The following HRNR variants were observed in gnomAD, a reference collection of about 807,000 sequenced individuals.
HRNR encodes the protein filaggrin family member 3.
A neutral mutation model predicts 4.8 loss-of-function variants in HRNR; 7 were observed. The ratio of observed to expected loss-of-function variants is 1.47; its 90% CI spans 0.83 to 2.75. The LOEUF (loss-of-function observed/expected upper bound fraction) is 2.75, where lower values mean the gene tolerates loss of function less well. HRNR is among the 30% of genes most tolerant of loss of function. HRNR has a pLI of 0.00. For synonymous variants in HRNR, 1,023 were observed against 1,242.7 expected, an observed-to-expected ratio of 0.82 and a Z score of 3.72; for missense variants, 2,879 against 3,010.4, an observed-to-expected ratio of 0.96 and a Z score of 1.02.
Position 152,219,805 on chromosome 1 carries a change from A to G in HRNR, c.1824T>C (p.Ser608=), listed in dbSNP as rs1467656803. The change falls in exon 3 of 3, where the codon TCT becomes TCC. Residue 608 remains serine (S), a synonymous_variant. Transcript: ENST00000368801. Reference sequence around the variant, plus strand: ...ATGTAGAACCATGTTGCCCATGGGTAGAGGAATGACCCGAGCTAGATCCGT... The same window carrying G: ...ATGTAGAACCATGTTGCCCATGGGTGGAGGAATGACCCGAGCTAGATCCGT... ...GQHGSSSGHS[S]THGQHGSTSG... The G allele has an allele frequency of 3.1e-6, 5 of 1,611,852 alleles. No homozygotes were observed. Among genetic ancestry groups the G allele is most frequent in the Non-Finnish European group, 4.2e-6 (5 of 1,178,634 alleles).
rs76293453 is a variant in HRNR at position 152,218,685 on chromosome 1, T to G, written c.2944A>C (p.Ser982Arg). The G allele has an allele frequency of 5.1e-5, 82 of 1,613,168 alleles. No individual in the cohort carries two copies. The highest frequency in any genetic ancestry group is 8.9e-5 in the East Asian group (4 of 44,732). ...GAGCCAGACCCATGCTGACCATAGCTGGAAGACGAACCTGAGCTAGATCCA... is the reference window on the plus strand; with the variant it reads ...GAGCCAGACCCATGCTGACCATAGCGGGAAGACGAACCTGAGCTAGATCCA... ...QHGSSSGSSS[S>R]YGQHGSGSRQ... The change falls in exon 3 of 3, where the codon AGC (serine) becomes CGC (arginine). Residue 982 changes from serine (S) to arginine (R), a missense_variant. Around this residue, in one of 8 missense-constraint regions of HRNR, gnomAD observed 2,646 missense variants for 1,377.7 expected, o/e 1.92. Coordinates refer to ENST00000368801, the MANE Select transcript of HRNR (RefSeq NM_001009931.3).
Position 152,219,899 on chromosome 1 carries a change from C to T in HRNR, c.1730G>A (p.Gly577Asp), listed in dbSNP as rs1409667159. 3 of 1,613,596 alleles carry T rather than the reference C, an allele frequency of 1.9e-6. No individual in the cohort carries two copies. The highest frequency in any genetic ancestry group is 3.3e-4 in the Middle Eastern group (2 of 6,056). Residue 577 changes from glycine (G) to aspartate (D), a missense_variant, in exon 3 of 3, where the codon GGC (glycine) becomes GAC (aspartate). Gly to Asp is a moderately conservative substitution (Grantham distance 94). Transcript: ENST00000368801. Reference protein sequence around the residue: ...RSSSRGPYESGSGHSSGLGHQ... With the variant: ...RSSSRGPYESDSGHSSGLGHQ... Reference sequence around the variant, plus strand: ...ACCTAAGCCAGAAGAGTGACCGGAGCCAGACTCATATGGGCCACGGCTTGA... The same window carrying T: ...ACCTAAGCCAGAAGAGTGACCGGAGTCAGACTCATATGGGCCACGGCTTGA...
Position 152,218,981 on chromosome 1 carries a change from T to G in HRNR, c.2648A>C (p.His883Pro). 1 of 1,608,754 alleles carries G rather than the reference T, an allele frequency of 6.2e-7. No homozygotes were observed. The highest frequency in any genetic ancestry group is 8.5e-7 in the Non-Finnish European group (1 of 1,179,906). ...ASHHASGRGR[H>P]GSGSGQSPGH... ...TGGAGACTGGCCAGATCCAGAGCCA[T>G]GTCGGCCGCGGCCCGAAGCGTGATG... is the stretch of plus-strand genomic sequence containing the variant. Residue 883 changes from histidine (H) to proline (P), a missense_variant, in exon 3 of 3, where the codon CAT (histidine) becomes CCT (proline). Coordinates refer to ENST00000368801, the MANE Select transcript of HRNR (RefSeq NM_001009931.3).
In HRNR at chr1:152,220,311, C is replaced by A; in HGVS notation, c.1318G>T (p.Gly440Cys). 6.2e-7 allele frequency: 1 copy of A among 1,613,894 alleles called. No homozygotes were observed. The highest frequency in any genetic ancestry group is 8.5e-7 in the Non-Finnish European group (1 of 1,179,978). ...GSGSGQSPSSGQHGTGFGRSS... is the reference protein window; with the variant it reads ...GSGSGQSPSSCQHGTGFGRSS... Reference sequence around the variant, plus strand: ...CGACCAAAGCCAGTCCCATGTTGGCCGGAGCTGGGAGACTGCCCTGACCCA... The same window carrying A: ...CGACCAAAGCCAGTCCCATGTTGGCAGGAGCTGGGAGACTGCCCTGACCCA... The change falls in exon 3 of 3, where the codon GGC becomes TGC. Residue 440 changes from glycine to cysteine, a missense_variant. Transcript: ENST00000368801.
rs1355873527 is a variant in HRNR, at chr1:152,219,099, G to T, written c.2530C>A (p.His844Asn). ...ASGHFSSQGR[H>N]GSTSGQSSSS... ...GATGACTGCCCTGACGTAGATCCAT[G>T]TCGTCCCTGGCTAGAGAAGTGACCT... Residue 844 changes from histidine (H) to asparagine (N), a missense_variant, in exon 3 of 3, where the codon CAT becomes AAT. Transcript: ENST00000368801. The T allele has an allele frequency of 2.5e-6, 4 of 1,613,836 alleles. No homozygotes were observed. The highest frequency in any genetic ancestry group is 2.2e-5 in the East Asian group (1 of 44,886).
chr1:152,220,875 C>T lies in HRNR; in HGVS notation c.754G>A (p.Gly252Ser), dbSNP rs1364110631. 7 of 1,614,000 alleles carry T rather than the reference C, an allele frequency of 4.3e-6. No homozygotes were observed. In the African/African-American group the frequency reaches 8.0e-5, roughly 18 times the overall value. ...TGTTGTCCGTAGCCAGAGGAGTGAC[C>T]TGAGCCAGATCCATGCTGACTGTAA... ...SGYSQHGSGSGHSSGYGQHGS... is the reference protein window; with the variant it reads ...SGYSQHGSGSSHSSGYGQHGS... The change falls in exon 3 of 3, where the codon GGT becomes AGT. Residue 252 changes from glycine to serine, a missense_variant. Transcript: ENST00000368801.
chr1:152,212,894 G>T lies in HRNR; in HGVS notation c.*182C>A. On this transcript the variant is annotated 3_prime_UTR_variant, in exon 3 of 3. Coordinates refer to ENST00000368801, the MANE Select transcript of HRNR (RefSeq NM_001009931.3). ...GTAGCACAAATGCCTAACAGTCTTT[G>T]GAAGGAACCCCATAACAAGATATAT... 5 of 799,832 alleles carry T rather than the reference G, an allele frequency of 6.3e-6. No homozygotes were observed. Among genetic ancestry groups the T allele is most frequent in the Non-Finnish European group, 9.6e-6 (5 of 520,478 alleles). The allele number at this position is 799,832 out of a possible 1,614,324, so 49.5% of individuals were successfully genotyped here.
rs1236611398 is a variant in HRNR at position 152,219,470 on chromosome 1, G to T, written c.2159C>A (p.Ser720Ter). 2.5e-6 allele frequency: 4 copies of T among 1,613,964 alleles called. No individual in the cohort carries two copies. Among genetic ancestry groups the T allele is most frequent in the East Asian group, 2.2e-5 (1 of 44,826 alleles). The change falls in exon 3 of 3, where the codon TCA becomes TAA. Residue 720 changes from serine to a stop codon, truncating the protein, a stop_gained. Coordinates refer to ENST00000368801, the MANE Select transcript of HRNR (RefSeq NM_001009931.3). LOFTEE classifies it low-confidence loss of function (END_TRUNC). ...TTTTCTGTAGCCGGAGGAGTGACTTGAGCCAGATCCATGCTGACTGTAACC... is the reference window on the plus strand; with the variant it reads ...TTTTCTGTAGCCGGAGGAGTGACTTTAGCCAGATCCATGCTGACTGTAACC... ...SSGYSQHGSG[S>*]SHSSGYRKHG...
In HRNR at chr1:152,212,722, G is replaced by A; in HGVS notation, c.*354C>T. ...ATATTTTGCTTCTAAGAAATGTAAG[G>A]TTAGCTTTGGCACCATCTATAAATG... is the stretch of plus-strand genomic sequence containing the variant. On this transcript the variant is annotated 3_prime_UTR_variant, in exon 3 of 3. Coordinates refer to ENST00000368801, the MANE Select transcript of HRNR (RefSeq NM_001009931.3). 1 of 281,394 alleles carries A rather than the reference G, an allele frequency of 3.6e-6. No homozygotes were observed. Among genetic ancestry groups the A allele is most frequent in the Non-Finnish European group, 6.6e-6 (1 of 152,660 alleles). The allele number at this position is 281,394 out of a possible 1,614,324, so 17.4% of individuals were successfully genotyped here.
chr1:152,223,101 G>A lies in HRNR; in HGVS notation c.138+15C>T, dbSNP rs1002980177. 8 of 1,612,178 alleles carry A rather than the reference G, an allele frequency of 5.0e-6. No individual in the cohort carries two copies. The highest frequency in any genetic ancestry group is 6.8e-6 in the Non-Finnish European group (8 of 1,179,002). ...AAAATTCCTGCATAACTCCATCCTG[G>A]CGTGGAGTTCTTACCTTCAGAATTT... On this transcript the variant is annotated intron_variant, in intron 2 of 2. Coordinates refer to ENST00000368801, the MANE Select transcript of HRNR (RefSeq NM_001009931.3).
rs1163699852 is a variant in HRNR at position 152,221,389 on chromosome 1, C to G, written c.240G>C (p.Lys80Asn). 2 of 1,613,908 alleles carry G rather than the reference C, an allele frequency of 1.2e-6. No individual in the cohort carries two copies. Among genetic ancestry groups the G allele is most frequent in the Non-Finnish European group, 8.5e-7 (1 of 1,179,962 alleles). Residue 80 changes from lysine (K) to asparagine (N), a missense_variant, in exon 3 of 3, where the codon AAG becomes AAC. Lys to Asn is a moderately conservative substitution (Grantham distance 94). Coordinates refer to ENST00000368801, the MANE Select transcript of HRNR (RefSeq NM_001009931.3). ...TGATTTTATTACGAGCCTGAACCAGCTTGAATATCATCAGAAGATACTCAG... is the reference window on the plus strand; with the variant it reads ...TGATTTTATTACGAGCCTGAACCAGGTTGAATATCATCAGAAGATACTCAG... ...DFTEYLLMIF[K>N]LVQARNKIIG...
At position 152,219,217 on chromosome 1, in the gene HRNR, A is replaced by G. The variant is rs1351907211; in HGVS notation, c.2412T>C (p.Cys804=). ...GGCCTGAGCCAGACTCATAATGGCC[A>G]CAGCTGGAAGAACAACTTGTGCCAG... ...HGSGTSCSSS[C]GHYESGSGQA... is the part of the protein sequence containing the mutation. Residue 804 remains cysteine (C), a synonymous_variant, in exon 3 of 3, where the codon TGT becomes TGC. Transcript: ENST00000368801. 2 of 1,613,726 alleles carry G rather than the reference A, an allele frequency of 1.2e-6. No homozygotes were observed. Among genetic ancestry groups the G allele is most frequent in the Non-Finnish European group, 1.7e-6 (2 of 1,179,920 alleles).
In HRNR at chr1:152,219,860, C is replaced by T. The variant is rs199645117; in HGVS notation, c.1769G>A (p.Arg590His). 1.1e-4 allele frequency: 177 copies of T among 1,613,706 alleles called. 1 individual carries two copies. Among genetic ancestry groups the T allele is most frequent in the Middle Eastern group, 1.7e-4 (1 of 6,060 alleles). The change falls in exon 3 of 3, where the codon CGC (arginine) becomes CAC (histidine). Residue 590 changes from arginine to histidine, a missense_variant. This residue lies in a region of HRNR where 2,646 missense variants were observed against 1,377.7 expected (regional missense o/e 1.92). Transcript: ENST00000368801. The stretch of plus-strand genomic sequence containing the variant: ...ACCGTAGCCAGAGGACTGTCCTGAG[C>T]GAGACTCTTGGTGACCTAAGCCAGA... ...HSSGLGHQES[R>H]SGQSSGYGQH...
Position 152,219,068 on chromosome 1 carries a change from G to C in HRNR, c.2561C>G (p.Ser854Cys), listed in dbSNP as rs758727210. The C allele has an allele frequency of 6.2e-7, 1 of 1,612,724 alleles. No homozygotes were observed. The change falls in exon 3 of 3, where the codon TCC (serine) becomes TGC (cysteine). Residue 854 changes from serine to cysteine, a missense_variant. By Grantham distance (112) the Ser-to-Cys change is moderately radical. This residue lies in a region of HRNR where 2,646 missense variants were observed against 1,377.7 expected (regional missense o/e 1.92). Transcript: ENST00000368801. ...ACCTGAGCTAGAGTCATGTTGGCCG[G>C]AGCTTGATGACTGCCCTGACGTAGA... Reference protein sequence around the residue: ...HGSTSGQSSSSGQHDSSSGQS... With the variant: ...HGSTSGQSSSCGQHDSSSGQS...
chr1:152,221,623 G>C (rs1649005807), intron 2 of HRNR, 133 bp from the exon 3 acceptor site: 1 of 655,688 alleles, frequency 1.5e-6, no homozygotes, highest in Non-Finnish European at 2.6e-6. Context: ...AGTCCTTTAG[G>C]CTGCATTTCT....
rs757006784 is a variant in HRNR, at chr1:152,218,795, G to A, written c.2834C>T (p.Thr945Ile). The A allele has an allele frequency of 2.5e-6, 4 of 1,612,940 alleles. No individual in the cohort carries two copies. The highest frequency in any genetic ancestry group is 3.4e-6 in the Non-Finnish European group (4 of 1,179,746). The change falls in exon 3 of 3, where the codon ACT (threonine) becomes ATT (isoleucine). Residue 945 changes from threonine to isoleucine, a missense_variant. Coordinates refer to ENST00000368801, the MANE Select transcript of HRNR (RefSeq NM_001009931.3). ...KSSSGQSSGY[T>I]QHGSGSGHSS... Reference sequence around the variant, plus strand: ...GTGACCTGAGCCAGATCCATGCTGAGTGTAACCAGAGGACTGCCCTGAGCT... The same window carrying A: ...GTGACCTGAGCCAGATCCATGCTGAATGTAACCAGAGGACTGCCCTGAGCT...
chr1:152,221,704 C>T (rs767629432), intron 2 of HRNR, among the ~76,000 whole-genome samples: 2 of 152,008 alleles, frequency 1.3e-5, no homozygotes, highest in Non-Finnish European at 2.9e-5. Context: ...GAATAGGATG[C>T]AACTGGAAGA....
chr1:152,221,259 C>T lies in HRNR; in HGVS notation c.370G>A (p.Glu124Lys). 1.9e-6 allele frequency: 3 copies of T among 1,614,092 alleles called. No homozygotes were observed. Among genetic ancestry groups the T allele is most frequent in the African/African-American group, 1.3e-5 (1 of 75,068 alleles). The change falls in exon 3 of 3, where the codon GAA becomes AAA. Residue 124 changes from glutamate (E) to lysine (K), a missense_variant. Glu to Lys is a moderately conservative substitution (Grantham distance 56, BLOSUM62 1). Transcript: ENST00000368801. ...ETEKEENKRQ[E>K]SSFSHSSWSA... ...CAACTTGAATGACTAAAAGAGGATT[C>T]TTGCCGTTTGTTCTCCTCTTTTTCA...
In HRNR at chr1:152,219,244, C is replaced by A. The variant is rs1477851954; in HGVS notation, c.2385G>T (p.Gly795=). 3.1e-6 allele frequency: 5 copies of A among 1,613,442 alleles called. No individual in the cohort carries two copies. In the African/African-American group the frequency reaches 4.0e-5, roughly 13 times the overall value. ...SGHSSSHGQH[G]SGTSCSSSCG... is the part of the protein sequence containing the mutation. ...AGCTGGAAGAACAACTTGTGCCAGA[C>A]CCGTGTTGGCCGTGGCTGGAGGAGT... Residue 795 remains glycine (G), a synonymous_variant, in exon 3 of 3, where the codon GGG becomes GGT. Transcript: ENST00000368801.
Sources: allele counts gnomAD v4.1 joint callset (sites outside exome capture counted in the v4.1 genomes callset), GRCh38; gene constraint gnomAD v4.1.1; regional missense constraint gnomAD v4.1.1; transcripts MANE v1.5; gene names NCBI Gene and HGNC (gene_info 2026-07-23, HGNC 2026-07-21).